RPS6KC1: variants seen among roughly 807,000 people sequenced by gnomAD.
RPS6KC1 encodes inactive ribosomal protein S6 kinase delta-1.
Under a neutral mutation model 103.8 loss-of-function variants are expected in RPS6KC1, and 54 were observed. That is an observed-to-expected ratio of 0.52 (90% confidence interval 0.42 to 0.65). The LOEUF (loss-of-function observed/expected upper bound fraction) is 0.65, where lower values mean the gene tolerates loss of function less well. Among genes scored for constraint, RPS6KC1 ranks in the 30% least tolerant of loss-of-function variants. The probability of loss-of-function intolerance (pLI) is 0.00; values close to 1 mark genes in which losing one functional copy is unlikely to be tolerated. For synonymous variants in RPS6KC1, 439 were observed against 438.7 expected (o/e 1.00, Z -0.01); for missense variants, 1,151 against 1,253.8 (o/e 0.92, Z 1.24).
At chr1:213,686,528 G>T in the RPS6KC1 span, among the ~76,000 whole-genome samples, 9 of 152,198 alleles carry the variant, frequency 5.9e-5, no homozygotes, top group African/African-American at 2.2e-4. Context: ...CATGGTTCAT[G>T]AACTTCCTTA....
At chr1:213,090,589 A>G (rs992733410) in intron 3 of RPS6KC1, among the ~76,000 whole-genome samples, 5 of 152,242 alleles carry the variant, frequency 3.3e-5, no homozygotes, top group Admixed American at 6.5e-5. Flanking sequence ...TTGGAGGGCA[A>G]TTTGAAATAA....
Position 213,273,993 on chromosome 1 carries a change from G to C in RPS6KC1, c.*1359G>C, listed in dbSNP as rs1353371707. 1 of 152,164 alleles carries C rather than the reference G, an allele frequency of 6.6e-6. No individual in the cohort carries two copies. Among genetic ancestry groups the C allele is most frequent in the Non-Finnish European group, 1.5e-5 (1 of 68,040 alleles). 9.4% of individuals were successfully genotyped at this position (152,164 alleles called of 1,614,324 possible). ...AGGAGCATCTGTACAGCTTCCATCT[G>C]CCATCGACCAGGTCCTCTCATCAAA... On this transcript the variant is annotated 3_prime_UTR_variant, in exon 15 of 15. Coordinates refer to ENST00000366960, the MANE Select transcript of RPS6KC1 (RefSeq NM_012424.6).
chr1:213,433,523 T>G, the RPS6KC1 span, among the ~76,000 whole-genome samples: 10 of 152,204 alleles, frequency 6.6e-5, no homozygotes, highest in Non-Finnish European at 1.5e-4. Flanking sequence ...GATCATACGG[T>G]GTGTGTTTAA....
the RPS6KC1 span, among the ~76,000 whole-genome samples, chr1:213,491,753 T>C: frequency 2.0e-5 from 3 of 152,102 alleles, no homozygotes; most frequent in South Asian, 6.2e-4. Context: ...TGTTCTGAGT[T>C]AGGAAATTTA....
the RPS6KC1 span, among the ~76,000 whole-genome samples, chr1:213,605,543 T>C: frequency 2.0e-5 from 3 of 152,220 alleles, no homozygotes; most frequent in Admixed American, 6.5e-5. Flanking sequence ...TGTGAGGTGA[T>C]TGTACTGATC....
the RPS6KC1 span, among the ~76,000 whole-genome samples, chr1:213,670,375 C>T: frequency 1.3e-5 from 2 of 152,152 alleles, no homozygotes; most frequent in Non-Finnish European, 2.9e-5. Context: ...GCCTGTTTTG[C>T]TGGAAGAATG....
intron 6 of RPS6KC1, among the ~76,000 whole-genome samples, chr1:213,163,286 G>T (rs1343975423): frequency 6.6e-6 from 1 of 152,216 alleles, no homozygotes; most frequent in Non-Finnish European, 1.5e-5. Flanking sequence ...TGATAAATCT[G>T]AATGAAATCA....
intron 8 of RPS6KC1, among the ~76,000 whole-genome samples, chr1:213,217,419 T>G (rs1289608064): frequency 1.3e-5 from 2 of 152,206 alleles, no homozygotes; most frequent in Non-Finnish European, 2.9e-5. Flanking sequence ...CCAGATGGAT[T>G]CACAGCCGAA....
the RPS6KC1 span, among the ~76,000 whole-genome samples, chr1:213,753,861 C>A: frequency 6.6e-6 from 1 of 152,310 alleles, no homozygotes; most frequent in Admixed American, 6.5e-5. Flanking sequence ...ACTTACATCA[C>A]ATGAACAATG....
At chr1:213,535,329 C>T in the RPS6KC1 span, among the ~76,000 whole-genome samples, 5 of 152,182 alleles carry the variant, frequency 3.3e-5, no homozygotes, top group Admixed American at 6.5e-5. Flanking sequence ...TGCAGCAATA[C>T]GTTTGGTGTT....
chr1:213,098,408 T>C (rs1279956345), intron 3 of RPS6KC1, among the ~76,000 whole-genome samples: 1 of 151,640 alleles, frequency 6.6e-6, no homozygotes, highest in Non-Finnish European at 1.5e-5. Context: ...TCTGAGAGTA[T>C]TGGGATTATA....
the RPS6KC1 span, among the ~76,000 whole-genome samples, chr1:213,406,657 G>A: frequency 6.6e-6 from 1 of 152,136 alleles, no homozygotes; most frequent in African/African-American, 2.4e-5. Flanking sequence ...TGTTGAAGGG[G>A]TCATATAAAA....
chr1:213,102,430 G>T (rs2082097683), intron 3 of RPS6KC1, among the ~76,000 whole-genome samples: 1 of 152,152 alleles, frequency 6.6e-6, no homozygotes, highest in Non-Finnish European at 1.5e-5. Context: ...TTCTTGAAAG[G>T]GGGAAGGGAC....
the RPS6KC1 span, among the ~76,000 whole-genome samples, chr1:213,406,905 G>A: frequency 3.3e-5 from 5 of 152,264 alleles, no homozygotes; most frequent in Non-Finnish European, 4.4e-5. Flanking sequence ...AAATGAGAGC[G>A]CTGAGGCTTG....
intron 7 of RPS6KC1, among the ~76,000 whole-genome samples, chr1:213,174,019 G>A (rs2091676033): frequency 1.3e-5 from 2 of 152,230 alleles, no homozygotes; most frequent in Admixed American, 1.3e-4. Flanking sequence ...TAAGACAAAT[G>A]TAATGGATTA....
chr1:213,787,729 T>C, the RPS6KC1 span, among the ~76,000 whole-genome samples: 1 of 152,220 alleles, frequency 6.6e-6, no homozygotes, highest in East Asian at 1.9e-4. Context: ...TGTAACACTT[T>C]AACAATCTGA....
chr1:213,538,361 G>A, the RPS6KC1 span, among the ~76,000 whole-genome samples: 1 of 152,096 alleles, frequency 6.6e-6, no homozygotes, highest in African/African-American at 2.4e-5. Context: ...TCTCTTATTA[G>A]GTAGTACAGA....
the RPS6KC1 span, among the ~76,000 whole-genome samples, chr1:213,341,729 C>T: frequency 6.6e-6 from 1 of 152,138 alleles, no homozygotes; most frequent in African/African-American, 2.4e-5. Flanking sequence ...TTGTCTTTGT[C>T]TCATGGATAA....
At chr1:213,312,639 T>G in the RPS6KC1 span, among the ~76,000 whole-genome samples, 2 of 152,310 alleles carry the variant, frequency 1.3e-5, no homozygotes, top group South Asian at 4.1e-4. Flanking sequence ...AGCCTGGCCC[T>G]TTCCTCAAAC....
Sources: gnomAD v4.1 joint callset for allele counts (sites outside exome capture counted in the v4.1 genomes callset) on GRCh38, gnomAD v4.1.1 for gene constraint, MANE v1.5 for transcripts, NCBI Gene and HGNC (gene_info 2026-07-23, HGNC 2026-07-21) for gene names.